The following PDLIM5 variants were observed in gnomAD, a reference collection of about 807,000 sequenced individuals.
PDLIM5 encodes PDZ and LIM domain protein 5.
Under a neutral mutation model 64.2 loss-of-function variants are expected in PDLIM5, and 34 were observed. The observed-to-expected ratio is 0.53, with a 90% CI of 0.40 to 0.71. The LOEUF is 0.71. Among genes scored for constraint, PDLIM5 ranks in the 30% least tolerant of loss-of-function variants. PDLIM5 has a pLI of 0.00. For synonymous variants in PDLIM5, 253 were observed against 269.1 expected (o/e 0.94, Z 0.59); for missense variants, 683 against 733.6 (o/e 0.93, Z 0.80).
chr4:94,602,881 A>G (rs1234531525), intron 7 of PDLIM5, among the ~76,000 whole-genome samples: 1 of 152,238 alleles, frequency 6.6e-6, no homozygotes, highest in Non-Finnish European at 1.5e-5. Flanking sequence ...TTTTAGTACC[A>G]GGGTTGAAAG....
chr4:94,607,080 C>G (rs1737988914), intron 7 of PDLIM5, among the ~76,000 whole-genome samples: 1 of 152,164 alleles, frequency 6.6e-6, no homozygotes, highest in African/African-American at 2.4e-5. Flanking sequence ...CCTTTCTGCT[C>G]TACCTCTTAA....
rs1734979334 is a variant in PDLIM5 at position 94,573,463 on chromosome 4, T to C, written c.291+70T>C. 4 of 1,131,458 alleles carry C rather than the reference T, an allele frequency of 3.5e-6. No individual in the cohort carries two copies. In the Admixed American group the frequency reaches 5.0e-5, roughly 14 times the overall value. 70.1% of individuals were successfully genotyped at this position (1,131,458 alleles called of 1,614,324 possible). On this transcript the variant is annotated intron_variant, in intron 4 of 12. Coordinates refer to ENST00000317968, the MANE Select transcript of PDLIM5 (RefSeq NM_006457.5). ...GCTGAGCTACTGTAATTCCCATTAC[T>C]GTCTCAGACCATACTGACATTCATT...
chr4:94,542,797 A>T (rs1731938417), intron 3 of PDLIM5, among the ~76,000 whole-genome samples: 1 of 152,144 alleles, frequency 6.6e-6, no homozygotes, highest in South Asian at 2.1e-4. Flanking sequence ...TTCCTGGTAA[A>T]TTTAGCTGTA....
At chr4:94,611,133 C>G (rs866784829) in intron 7 of PDLIM5, 1 of 1,534,042 alleles carries the variant, frequency 6.5e-7, no homozygotes, top group African/African-American at 1.4e-5. Flanking sequence ...TGTCTCCAAG[C>G]CTTTAGCTTT....
In PDLIM5 at chr4:94,664,959, C is replaced by G. The variant is rs1401599066; in HGVS notation, c.*892C>G. On this transcript the variant is annotated 3_prime_UTR_variant, in exon 13 of 13. Coordinates refer to ENST00000317968, the MANE Select transcript of PDLIM5 (RefSeq NM_006457.5). ...AATAAGATTTTTTATCAAAATGTGT[C>G]ATGCCAGTAAGAGATGTTATATTCT... 1.0e-6 allele frequency: 1 copy of G among 981,252 alleles called. No individual in the cohort carries two copies. The highest frequency in any genetic ancestry group is 1.2e-6 in the Non-Finnish European group (1 of 826,266). The allele number at this position is 981,252 out of a possible 1,614,324, so 60.8% of individuals were successfully genotyped here. A position where few individuals can be genotyped will look rare whatever the true frequency, so the allele number is the denominator to read the frequency against.
At chr4:94,579,010 T>C (rs1735519518) in intron 5 of PDLIM5, among the ~76,000 whole-genome samples, 1 of 152,084 alleles carries the variant, frequency 6.6e-6, no homozygotes, top group Non-Finnish European at 1.5e-5. Flanking sequence ...CATAAACAGA[T>C]GCTTATTAAT....
Position 94,624,185 on chromosome 4 carries a change from G to C in PDLIM5, c.1108+5994G>C, listed in dbSNP as rs866477483. On this transcript the variant is annotated intron_variant, in intron 8 of 12. Transcript: ENST00000317968. ...AAAAAGAAGTTGGCTGGGCATGGTG[G>C]TGCACGCCTATGGTCCCAGCTGCTC... Among the ~76,000 whole-genome samples the C allele has an allele frequency of 4.6e-5, 7 of 152,010 alleles. No individual in the cohort carries two copies. The South Asian group carries it at 1.5e-3, about 32-fold the overall frequency.
chr4:94,455,616 GA>G, intron 2 of PDLIM5: 1 of 662,450 alleles, frequency 1.5e-6, no homozygotes, highest in Non-Finnish European at 2.5e-6. Context: ...TAATAAAATG[GA>G]AAAAGCATTT....
At chr4:94,663,744 C>T (rs1742917414) in intron 12 of PDLIM5, among the ~76,000 whole-genome samples, 1 of 152,180 alleles carries the variant, frequency 6.6e-6, no homozygotes, top group Non-Finnish European at 1.5e-5. Flanking sequence ...ATGATCAGTG[C>T]TTTCTATAAA....
intron 7 of PDLIM5, among the ~76,000 whole-genome samples, chr4:94,612,109 T>G (rs1207104108): frequency 6.6e-6 from 1 of 151,948 alleles, no homozygotes; most frequent in Admixed American, 6.6e-5. Flanking sequence ...TCCCAGCTAC[T>G]CAGGAGGCTG....
chr4:94,453,423 C>T lies in PDLIM5; in HGVS notation c.-43+1428C>T, dbSNP rs1407272664. ...TTTTGTAGTGTGGCTGTGACCTTGC[C>T]AGTGCTAGGAATTTTAATAACAAAT... On this transcript the variant is annotated intron_variant, in intron 1 of 12. Coordinates refer to ENST00000317968, the MANE Select transcript of PDLIM5 (RefSeq NM_006457.5). Among the ~76,000 whole-genome samples, 17 of 152,236 alleles carry T rather than the reference C, an allele frequency of 1.1e-4. No individual in the cohort carries two copies. In the East Asian group the frequency reaches 3.3e-3, roughly 29 times the overall value.
chr4:94,604,876 AT>A (rs1270015807), intron 7 of PDLIM5, among the ~76,000 whole-genome samples: 10 of 152,204 alleles, frequency 6.6e-5, no homozygotes, highest in African/African-American at 2.2e-4. Flanking sequence ...AGTTTTTAAA[AT>A]GAGGAATGCA....
chr4:94,532,587 G>A (rs548984364), intron 3 of PDLIM5, among the ~76,000 whole-genome samples: 2 of 152,162 alleles, frequency 1.3e-5, no homozygotes, highest in Admixed American at 6.5e-5. Flanking sequence ...ATCCTTCCGG[G>A]TGGCAGACGC....
chr4:94,511,034 A>G (rs1268283619), intron 2 of PDLIM5, among the ~76,000 whole-genome samples: 1 of 152,228 alleles, frequency 6.6e-6, no homozygotes, highest in Non-Finnish European at 1.5e-5. Flanking sequence ...ATCACCTCTT[A>G]GAATTGAAAA....
At chr4:94,642,525 C>G (rs1181066911) in intron 9 of PDLIM5, among the ~76,000 whole-genome samples, 2 of 152,018 alleles carry the variant, frequency 1.3e-5, no homozygotes, top group East Asian at 1.9e-4. Context: ...ACTTATTGCT[C>G]CCTCATCTGT....
At chr4:94,501,081 CTT>C (rs11336334) in intron 2 of PDLIM5, among the ~76,000 whole-genome samples, 3,314 of 136,994 alleles carry the variant, frequency 0.024, 136 homozygotes, top group African/African-American at 0.086. Context: ...TATACCTGGC[CTT>C]TTTTTTTTTT....
intron 2 of PDLIM5, among the ~76,000 whole-genome samples, chr4:94,478,890 GTTTTTTTTTTTTTTTTTT>G (rs67013211): frequency 1.1e-5 from 1 of 94,124 alleles, no homozygotes; most frequent in Admixed American, 1.3e-4. Flanking sequence ...TGTGCTTGGT[GTTTTTTTTTTTTTTTTTT>G]TTTTTTTTTA....
At chr4:94,642,876 C>G (rs1741109395) in intron 9 of PDLIM5, among the ~76,000 whole-genome samples, 1 of 152,088 alleles carries the variant, frequency 6.6e-6, no homozygotes, top group African/African-American at 2.4e-5. Flanking sequence ...GACTATTATA[C>G]CCTAGCAAGC....
intron 3 of PDLIM5, among the ~76,000 whole-genome samples, chr4:94,567,022 C>T (rs927044568): frequency 2.6e-5 from 4 of 152,350 alleles, no homozygotes; most frequent in Non-Finnish European, 4.4e-5. Flanking sequence ...GAGACGGAGT[C>T]TCGCTCTGTC....
Sources: allele counts gnomAD v4.1 joint callset (sites outside exome capture counted in the v4.1 genomes callset), GRCh38; gene constraint gnomAD v4.1.1; transcripts MANE v1.5; gene names NCBI Gene and HGNC (gene_info 2026-07-23, HGNC 2026-07-21).